MALRD1: variants seen among roughly 807,000 people sequenced by gnomAD.
MALRD1 encodes the protein MAM and LDL-receptor class A domain-containing protein 1.
MALRD1 carries 247 observed loss-of-function variants against 242.1 expected under a neutral mutation model. That is an observed-to-expected ratio of 1.02 (90% CI 0.92 to 1.13). The LOEUF (loss-of-function observed/expected upper bound fraction) is 1.13. Among genes scored for constraint, MALRD1 ranks in the 50% most tolerant of loss-of-function variants. The pLI is 0.00. For synonymous variants in MALRD1, 995 were observed against 866.6 expected (o/e 1.15, Z -2.60); for missense variants, 2,989 against 2,533.1 (o/e 1.18, Z -3.86).
chr10:19,288,543 G>A (rs989464491), intron 21 of MALRD1, among the ~76,000 whole-genome samples: 2 of 151,688 alleles, frequency 1.3e-5, no homozygotes, highest in African/African-American at 2.4e-5. Flanking sequence ...ACATATACAT[G>A]GTAATAATTA....
chr10:19,712,511 C>A (rs1834174194), intron 38 of MALRD1, among the ~76,000 whole-genome samples: 1 of 152,054 alleles, frequency 6.6e-6, no homozygotes, highest in Admixed American at 6.5e-5. Flanking sequence ...TTTTTCTAGA[C>A]AGATTCTTAA....
chr10:19,341,456 ATATATATGTATATATG>A (rs1437207160), intron 24 of MALRD1, among the ~76,000 whole-genome samples: 7 of 122,636 alleles, frequency 5.7e-5, no homozygotes, highest in Admixed American at 2.5e-4. Flanking sequence ...ATATATGTGT[ATATATATGTATATATG>A]TATATATATG....
chr10:19,395,144 A>T (rs1271116407), intron 28 of MALRD1, among the ~76,000 whole-genome samples: 2 of 152,172 alleles, frequency 1.3e-5, no homozygotes, highest in East Asian at 1.9e-4. Flanking sequence ...TGGCCAAATA[A>T]TTGAAGAAAA....
At chr10:19,255,226 T>C (rs550802003) in intron 18 of MALRD1, among the ~76,000 whole-genome samples, 3 of 152,172 alleles carry the variant, frequency 2.0e-5, no homozygotes, top group South Asian at 2.1e-4. Context: ...GGATTTTCAG[T>C]TGCCCTTTGA....
intron 18 of MALRD1, among the ~76,000 whole-genome samples, chr10:19,222,091 C>T (rs1564477840): frequency 1.3e-5 from 2 of 151,972 alleles, no homozygotes; most frequent in Non-Finnish European, 2.9e-5. Context: ...ATTCCTCCCT[C>T]CCTTGCTCCC....
chr10:19,064,327 A>T (rs990728620), intron 1 of MALRD1, among the ~76,000 whole-genome samples: 1 of 152,198 alleles, frequency 6.6e-6, no homozygotes, highest in African/African-American at 2.4e-5. Context: ...ATTACAGCGG[A>T]TAGTTTCAGA....
intron 33 of MALRD1, among the ~76,000 whole-genome samples, chr10:19,584,366 C>G (rs1251504787): frequency 2.6e-5 from 4 of 152,118 alleles, no homozygotes; most frequent in East Asian, 3.9e-4. Context: ...GCATTTAGTG[C>G]TATAAATTTC....
chr10:19,448,708 A>G (rs1194274956), intron 28 of MALRD1, among the ~76,000 whole-genome samples: 2 of 152,086 alleles, frequency 1.3e-5, no homozygotes, highest in African/African-American at 2.4e-5. Context: ...CCATGTTTAC[A>G]TAAGATTTTT....
chr10:19,255,196 C>T (rs984546789), intron 18 of MALRD1, among the ~76,000 whole-genome samples: 1 of 151,982 alleles, frequency 6.6e-6, no homozygotes, highest in African/African-American at 2.4e-5. Context: ...ACAGATAAGG[C>T]AGGTCATTTA....
chr10:19,568,684 GA>G (rs914957397), intron 33 of MALRD1, among the ~76,000 whole-genome samples: 1 of 136,928 alleles, frequency 7.3e-6, no homozygotes, highest in African/African-American at 2.4e-5. Flanking sequence ...ACATTAATAA[GA>G]AAAAAATATA....
intron 5 of MALRD1, among the ~76,000 whole-genome samples, chr10:19,123,260 A>C (rs941392366): frequency 4.0e-5 from 6 of 151,704 alleles, no homozygotes; most frequent in Admixed American, 3.3e-4. Flanking sequence ...ACATTGGCAT[A>C]GTTGTTTTGT....
At position 19,205,028 on chromosome 10, in the gene MALRD1, C is replaced by A. The variant is rs558923663; in HGVS notation, c.2341C>A (p.Leu781Ile). Residue 781 changes from leucine (L) to isoleucine (I), a missense_variant, in exon 17 of 40, where the codon CTA becomes ATA. Transcript: ENST00000454679. ...ACAATGGTTGGAGGCAACCATTCAG[C>A]TAGGGCGCCTTTCGCAGCCCTTCCA... ...GKQWLEATIQ[L>I]GRLSQPFHLS... The A allele has an allele frequency of 6.4e-7, 1 of 1,550,686 alleles. No homozygotes were observed. Among genetic ancestry groups the A allele is most frequent in the African/African-American group, 1.4e-5 (1 of 73,014 alleles).
intron 26 of MALRD1, among the ~76,000 whole-genome samples, chr10:19,379,343 G>C (rs1845740733): frequency 6.6e-6 from 1 of 151,922 alleles, no homozygotes; most frequent in Admixed American, 6.6e-5. Context: ...CTTATTTTGT[G>C]ATAAATTTGC....
chr10:19,543,252 T>TTC (rs1429870470), intron 32 of MALRD1, among the ~76,000 whole-genome samples: 12 of 149,840 alleles, frequency 8.0e-5, no homozygotes, highest in Admixed American at 2.7e-4. Flanking sequence ...CCCAGCTGAT[T>TTC]TTTCGTTTTT....
intron 26 of MALRD1, among the ~76,000 whole-genome samples, chr10:19,363,153 T>G (rs1051500440): frequency 6.6e-6 from 1 of 152,062 alleles, no homozygotes; most frequent in Non-Finnish European, 1.5e-5. Flanking sequence ...CAGACATTAA[T>G]CTAGGAGTTG....
intron 5 of MALRD1, among the ~76,000 whole-genome samples, chr10:19,121,164 T>G (rs1261622447): frequency 6.6e-6 from 1 of 150,698 alleles, no homozygotes; most frequent in Admixed American, 6.6e-5. Context: ...CTGCCTCAGA[T>G]TTCCTGGCTG....
At chr10:19,076,281 C>CT (rs201834414) in intron 2 of MALRD1, among the ~76,000 whole-genome samples, 2 of 151,030 alleles carry the variant, frequency 1.3e-5, no homozygotes, top group East Asian at 1.9e-4. Context: ...ATCTATCTAT[C>CT]ATCTATCTAT....
chr10:19,055,657 A>G (rs1834641401), intron 1 of MALRD1, among the ~76,000 whole-genome samples: 1 of 152,202 alleles, frequency 6.6e-6, no homozygotes, highest in Admixed American at 6.5e-5. Flanking sequence ...TTTACTGAGG[A>G]GACCCTCCTT....
chr10:19,262,828 G>C (rs12263470), intron 19 of MALRD1, among the ~76,000 whole-genome samples: 14,256 of 151,970 alleles, frequency 0.094, 975 homozygotes, highest in African/African-American at 0.19. Flanking sequence ...AACTACCTCT[G>C]TACTCTGTTC....
Sources: allele counts gnomAD v4.1 joint callset (sites outside exome capture counted in the v4.1 genomes callset), GRCh38; gene constraint gnomAD v4.1.1; transcripts MANE v1.5; gene names NCBI Gene and HGNC (gene_info 2026-07-23, HGNC 2026-07-21).